ARMH4: variants seen among roughly 807,000 people sequenced by gnomAD.
ARMH4 encodes armadillo-like helical domain-containing protein 4.
Under a neutral mutation model 61.9 loss-of-function variants are expected in ARMH4, and 49 were observed. The ratio of observed to expected loss-of-function variants is 0.79; its 90% CI spans 0.63 to 1.00. The LOEUF is 1.00. Ranked by LOEUF, ARMH4 falls within the 50% of genes least tolerant of loss-of-function variation. The probability of loss-of-function intolerance (pLI) is 0.00; values close to 1 mark genes in which losing one functional copy is unlikely to be tolerated. For missense variants in ARMH4, 934 were observed against 930.0 expected (o/e 1.00, Z -0.06); for synonymous variants, 368 against 341.5 (o/e 1.08, Z -0.85).
At chr14:58,075,885 G>C (rs1476768009) in intron 5 of ARMH4, among the ~76,000 whole-genome samples, 1 of 152,130 alleles carries the variant, frequency 6.6e-6, no homozygotes, top group South Asian at 2.1e-4. Context: ...GTAAAATGGA[G>C]AAAGTTTCAC....
chr14:58,024,058 A>C (rs1882939291), intron 5 of ARMH4, among the ~76,000 whole-genome samples: 1 of 152,214 alleles, frequency 6.6e-6, no homozygotes. Flanking sequence ...GGATTTTAGG[A>C]ATAGCCAGTG....
chr14:58,141,593 C>A, intron 1 of ARMH4: 1 of 473,464 alleles, frequency 2.1e-6, no homozygotes. Flanking sequence ...TGCCTGCACC[C>A]CGGTGCTATC....
chr14:58,109,826 A>T (rs1416477070), intron 4 of ARMH4, among the ~76,000 whole-genome samples: 1 of 152,216 alleles, frequency 6.6e-6, no homozygotes, highest in Non-Finnish European at 1.5e-5. Flanking sequence ...TAATGCATAA[A>T]CAAAGGAGAT....
intron 4 of ARMH4, among the ~76,000 whole-genome samples, chr14:58,122,923 T>C (rs962848412): frequency 3.9e-5 from 6 of 152,104 alleles, no homozygotes; most frequent in Non-Finnish European, 8.8e-5. Context: ...TGCCAGCCCA[T>C]GCCATCACCC....
chr14:58,065,731 T>C (rs1259273984), intron 5 of ARMH4, among the ~76,000 whole-genome samples: 1 of 152,266 alleles, frequency 6.6e-6, no homozygotes, highest in African/African-American at 2.4e-5. Flanking sequence ...ATCAATAGAA[T>C]ACGACAAAGA....
At chr14:58,030,012 T>C (rs1883170142) in intron 5 of ARMH4, among the ~76,000 whole-genome samples, 1 of 152,236 alleles carries the variant, frequency 6.6e-6, no homozygotes, top group Non-Finnish European at 1.5e-5. Context: ...TGGAATATTA[T>C]TCAGCCCTAA....
intron 5 of ARMH4, among the ~76,000 whole-genome samples, chr14:58,053,660 T>C (rs1335650096): frequency 6.6e-6 from 1 of 152,170 alleles, no homozygotes; most frequent in Admixed American, 6.5e-5. Flanking sequence ...TGGGGATTAC[T>C]TGATGAATGT....
chr14:58,089,990 G>A (rs1238369974), intron 5 of ARMH4, among the ~76,000 whole-genome samples: 1 of 152,094 alleles, frequency 6.6e-6, no homozygotes, highest in Non-Finnish European at 1.5e-5. Context: ...ATGAATATCT[G>A]GTTAAAAGAT....
intron 2 of ARMH4, among the ~76,000 whole-genome samples, chr14:58,136,053 A>G (rs1247285143): frequency 6.6e-6 from 1 of 152,182 alleles, no homozygotes; most frequent in African/African-American, 2.4e-5. Context: ...ATCACATTGG[A>G]TAACTCCAGT....
chr14:58,072,717 A>G (rs1024518604), intron 5 of ARMH4, among the ~76,000 whole-genome samples: 3 of 151,396 alleles, frequency 2.0e-5, no homozygotes, highest in Non-Finnish European at 4.4e-5. Context: ...GTGAGACTCC[A>G]TCTAAAAAAA....
At chr14:58,105,322 AG>A (rs1171731193) in intron 4 of ARMH4, among the ~76,000 whole-genome samples, 6 of 152,196 alleles carry the variant, frequency 3.9e-5, no homozygotes, top group Non-Finnish European at 8.8e-5. Flanking sequence ...AATGGGGTCA[AG>A]GTAAAAGACA....
At chr14:58,120,670 T>C (rs1011751494) in intron 4 of ARMH4, among the ~76,000 whole-genome samples, 2 of 152,190 alleles carry the variant, frequency 1.3e-5, no homozygotes, top group Admixed American at 6.5e-5. Flanking sequence ...CAGGTTAAGA[T>C]AAAGATTGTG....
chr14:58,045,015 G>C (rs1388372795), intron 5 of ARMH4, among the ~76,000 whole-genome samples: 1 of 152,208 alleles, frequency 6.6e-6, no homozygotes, highest in African/African-American at 2.4e-5. Context: ...CTGTTGGTGG[G>C]ACTGTAAACT....
At chr14:58,047,975 T>C (rs1883996532) in intron 5 of ARMH4, among the ~76,000 whole-genome samples, 1 of 151,932 alleles carries the variant, frequency 6.6e-6, no homozygotes, top group South Asian at 2.1e-4. Flanking sequence ...TGAAGCAGAG[T>C]GAAGCAGAGC....
At chr14:58,044,952 C>T (rs552178221) in intron 5 of ARMH4, among the ~76,000 whole-genome samples, 198 of 152,092 alleles carry the variant, frequency 1.3e-3, no homozygotes, top group African/African-American at 2.9e-3. Context: ...CATTAAAAAG[C>T]CAGGAAACAA....
At chr14:58,009,069 G>A (rs1198742247) in intron 6 of ARMH4, among the ~76,000 whole-genome samples, 1 of 152,182 alleles carries the variant, frequency 6.6e-6, no homozygotes, top group Non-Finnish European at 1.5e-5. Context: ...AATACAGGAA[G>A]TGTCCTTCAA....
At chr14:58,025,418 A>C (rs1445397910) in intron 5 of ARMH4, among the ~76,000 whole-genome samples, 1 of 152,162 alleles carries the variant, frequency 6.6e-6, no homozygotes, top group Admixed American at 6.5e-5. Flanking sequence ...TCAATATCAC[A>C]TCTTTCAAGG....
intron 5 of ARMH4, among the ~76,000 whole-genome samples, chr14:58,030,479 T>C (rs1594703968): frequency 6.6e-6 from 1 of 152,250 alleles, no homozygotes; most frequent in Non-Finnish European, 1.5e-5. Flanking sequence ...ACACGTGACA[T>C]AGAAATGACC....
intron 5 of ARMH4, among the ~76,000 whole-genome samples, chr14:58,012,892 G>T (rs957978446): frequency 6.6e-6 from 1 of 152,196 alleles, no homozygotes; most frequent in African/African-American, 2.4e-5. Context: ...TTTGAAATAT[G>T]TGTTAGAATG....
Sources: allele counts gnomAD v4.1 joint callset (sites outside exome capture counted in the v4.1 genomes callset), GRCh38; gene constraint gnomAD v4.1.1; transcripts MANE v1.5; gene names NCBI Gene and HGNC (gene_info 2026-07-23, HGNC 2026-07-21).